The following AMY2B variants were observed in gnomAD, a reference collection of about 807,000 sequenced individuals.
AMY2B encodes alpha-amylase 2B.
In AMY2B, 63 loss-of-function variants were observed where a neutral mutation model predicts 59.3. The observed-to-expected ratio is 1.06, with a 90% confidence interval of 0.87 to 1.31. The LOEUF (loss-of-function observed/expected upper bound fraction) is 1.31, where lower values mean the gene tolerates loss of function less well. AMY2B is among the 50% of genes most tolerant of loss of function. The pLI is 0.00. For missense variants in AMY2B, 635 were observed against 626.7 expected, an observed-to-expected ratio of 1.01 and a Z score of -0.14; for synonymous variants, 180 against 198.1, an observed-to-expected ratio of 0.91 and a Z score of 0.77.
At chr1:103,567,743 A>G (rs1005060779), upstream of AMY2B, among the ~76,000 whole-genome samples, 1 of 152,146 alleles carries the variant, frequency 6.6e-6, no homozygotes, top group Non-Finnish European at 1.5e-5. Context: ...TTCATGTTCT[A>G]CAAGGTTCTA....
chr1:103,577,312 G>T (rs1394003592), intron 7 of AMY2B, 178 bp from the exon 8 acceptor site: 17 of 1,187,370 alleles, frequency 1.4e-5, no homozygotes, highest in Non-Finnish European at 2.0e-5. Context: ...AGAACCAGAG[G>T]ATAGAGAGAT....
rs550004038 is a variant in AMY2B, at chr1:103,559,891, T to A, written c.-207+4782T>A. Among the ~76,000 whole-genome samples the A allele has an allele frequency of 1.5e-3, 224 of 152,082 alleles. 2 individuals are homozygous for A. Among genetic ancestry groups the A allele is most frequent in the African/African-American group, 4.9e-3 (203 of 41,548 alleles). The stretch of plus-strand genomic sequence containing the variant: ...GGCAATTTTGCATAATATGAAAATA[T>A]AAAAATGTGCTTCAAGTTTCACTAC... On this transcript the variant is annotated intron_variant, in intron 1 of 11. Transcript: ENST00000361355.
chr1:103,577,574 G>A lies in AMY2B; in HGVS notation c.1186G>A (p.Asp396Asn). 2 of 1,611,958 alleles carry A rather than the reference G, an allele frequency of 1.2e-6. No individual in the cohort carries two copies. Among genetic ancestry groups the A allele is most frequent in the Non-Finnish European group, 1.7e-6 (2 of 1,179,836 alleles). ...TAATCCAGACACTACTTGTGGCAAT[G>A]ACTGGGTCTGTGAACATCGATGGCG... ...TINPDTTCGN[D>N]WVCEHRWRQI... is the part of the protein sequence containing the mutation. The change falls in exon 8 of 10, where the codon GAC becomes AAC. Residue 396 changes from aspartate (D) to asparagine (N), a missense_variant. Physicochemically the swap from Asp to Asn is conservative, Grantham distance 23. Transcript: ENST00000684275.
upstream of AMY2B, chr1:103,570,626 A>G (rs1030034272): frequency 2.4e-5 from 14 of 588,114 alleles, no homozygotes; most frequent in Non-Finnish European, 4.4e-5. Flanking sequence ...TTAGCAAGCA[A>G]TAGTACAATG....
chr1:103,576,097 G>A (rs572064120), intron 7 of AMY2B, among the ~76,000 whole-genome samples: 1 of 152,220 alleles, frequency 6.6e-6, no homozygotes, highest in South Asian at 2.1e-4. Context: ...AAAAATATTT[G>A]GGAGTATGGT....
At chr1:103,554,755 A>C (rs1352284673) in exon 1 of AMY2B, 1 of 152,708 alleles carries the variant, frequency 6.5e-6, no homozygotes, top group Middle Eastern at 3.4e-3. Context: ...TGCTACTATT[A>C]TTAGATCTGT....
chr1:103,577,251 T>TGAAAAGGA, intron 7 of AMY2B: 1 of 812,830 alleles, frequency 1.2e-6, no homozygotes, highest in East Asian at 2.9e-5. Context: ...TTCCTTGGAA[T>TGAAAAGGA]GAAAAGGAGA....
intron 1 of AMY2B, 84 bp from the exon 2 acceptor site, chr1:103,572,026 T>A: frequency 1.9e-6 from 3 of 1,590,836 alleles, no homozygotes; most frequent in Non-Finnish European, 2.6e-6. Context: ...GATTCAAGAA[T>A]TTTTTATATT....
upstream of AMY2B, chr1:103,571,243 T>C (rs1203859535): frequency 2.8e-6 from 2 of 707,308 alleles, no homozygotes; most frequent in Admixed American, 8.9e-5. Flanking sequence ...TTCATCCTTT[T>C]AATTTATGTA....
At chr1:103,572,404 T>C (rs573982975) in intron 2 of AMY2B, 148 bp downstream of exon 2, 2 of 1,411,500 alleles carry the variant, frequency 1.4e-6, no homozygotes, top group East Asian at 2.5e-5. Context: ...ACCGTTGCCT[T>C]ATGTTCAGCT....
chr1:103,578,485 A>G (rs535168110), intron 9 of AMY2B, among the ~76,000 whole-genome samples: 2 of 152,326 alleles, frequency 1.3e-5, no homozygotes, highest in African/African-American at 4.8e-5. Flanking sequence ...CCTATAGCTC[A>G]GAAGACCTCG....
At chr1:103,559,599 C>A (rs1651669602) in intron 1 of AMY2B, among the ~76,000 whole-genome samples, 1 of 151,702 alleles carries the variant, frequency 6.6e-6, no homozygotes, top group Admixed American at 6.6e-5. Context: ...CAATACATGA[C>A]AAACGATAAT....
intron 1 of AMY2B, among the ~76,000 whole-genome samples, chr1:103,562,718 A>G (rs1352638067): frequency 6.6e-6 from 1 of 150,802 alleles, no homozygotes; most frequent in East Asian, 1.9e-4. Flanking sequence ...TGCATGTTAA[A>G]AAACTATAAT....
chr1:103,577,817 G>A lies in AMY2B; in HGVS notation c.1318G>A (p.Gly440Arg), dbSNP rs1652423313. Reference sequence around the variant, plus strand: ...AGTGGCTTTTGGGAGAGGAAACAGAGGATTCATTGTTTTCAACAATGATGA... The same window carrying A: ...AGTGGCTTTTGGGAGAGGAAACAGAAGATTCATTGTTTTCAACAATGATGA... ...NQVAFGRGNR[G>R]FIVFNNDDWT... The change falls in exon 9 of 10, where the codon GGA becomes AGA. Residue 440 changes from glycine (G) to arginine (R), a missense_variant. Physicochemically the swap from Gly to Arg is moderately radical, Grantham distance 125. Transcript: ENST00000684275. The A allele has an allele frequency of 6.2e-7, 1 of 1,604,410 alleles. No homozygotes were observed. Among genetic ancestry groups the A allele is most frequent in the South Asian group, 1.1e-5 (1 of 90,982 alleles).
intron 9 of AMY2B, among the ~76,000 whole-genome samples, chr1:103,578,126 A>G (rs966079187): frequency 1.3e-5 from 2 of 152,204 alleles, no homozygotes; most frequent in African/African-American, 2.4e-5. Context: ...TCACCTACAC[A>G]TGCCACAAAA....
At chr1:103,575,632 C>G in intron 7 of AMY2B, 92 bp downstream of exon 7, 1 of 1,539,192 alleles carries the variant, frequency 6.5e-7, no homozygotes. Flanking sequence ...ATTATATATT[C>G]AACAAATAAT....
At chr1:103,560,630 A>G (rs942140381) in intron 1 of AMY2B, among the ~76,000 whole-genome samples, 13 of 152,188 alleles carry the variant, frequency 8.5e-5, no homozygotes, top group Admixed American at 5.2e-4. Context: ...GTTAATGCCT[A>G]TGTCCATTGC....
chr1:103,575,519 A>C lies in AMY2B; in HGVS notation c.1080A>C (p.Pro360=). Residue 360 remains proline, a synonymous_variant, in exon 7 of 10, where the codon CCA becomes CCC. Transcript: ENST00000684275. ...FTRVMSSYRW[P]RQFQNGNDVN... The stretch of plus-strand genomic sequence containing the variant: ...GAGTAATGTCAAGCTACCGTTGGCC[A>C]AGACAGTTTCAAAATGGAAACGTAA... 1.2e-6 allele frequency: 2 copies of C among 1,613,784 alleles called. No individual in the cohort carries two copies. Among genetic ancestry groups the C allele is most frequent in the Non-Finnish European group, 1.7e-6 (2 of 1,179,812 alleles).
intron 1 of AMY2B, among the ~76,000 whole-genome samples, chr1:103,558,510 G>T (rs977989527): frequency 1.3e-5 from 2 of 151,824 alleles, no homozygotes; most frequent in African/African-American, 4.8e-5. Context: ...CCAGACTTTG[G>T]GTTCTAAATA....
Sources: allele counts gnomAD v4.1 joint callset (sites outside exome capture counted in the v4.1 genomes callset), GRCh38; gene constraint gnomAD v4.1.1; transcripts MANE v1.5; gene names NCBI Gene and HGNC (gene_info 2026-07-23, HGNC 2026-07-21).